Variants in GART observed in about 807,000 individuals in gnomAD.
GART encodes the protein phosphoribosylglycinamide formyltransferase, phosphoribosylglycinamide synthetase, phosphoribosylaminoimidazole synthetase, also known as trifunctional purine biosynthetic protein adenosine-3.
In GART, 43 loss-of-function variants were observed where a neutral mutation model predicts 107.2. That is an observed-to-expected ratio of 0.40 (90% confidence interval 0.31 to 0.52). GART has a LOEUF of 0.52. Ranked by LOEUF, GART falls within the 20% of genes least tolerant of loss-of-function variation. The pLI, the probability that GART is intolerant of heterozygous loss-of-function variation, is 0.52. For missense variants in GART, 1,107 were observed against 1,206.5 expected, an observed-to-expected ratio of 0.92 and a Z score of 1.22; for synonymous variants, 434 against 427.0, an observed-to-expected ratio of 1.02 and a Z score of -0.20.
chr21:33,511,992 G>A (rs567948845), intron 16 of GART, among the ~76,000 whole-genome samples: 1 of 151,956 alleles, frequency 6.6e-6, no homozygotes, highest in East Asian at 1.9e-4. Flanking sequence ...TCTCTCGGCC[G>A]GGCGTGAGAA....
intron 14 of GART, 77 bp from the exon 15 acceptor site, chr21:33,517,685 T>C: frequency 6.9e-7 from 1 of 1,440,670 alleles, no homozygotes; most frequent in Admixed American, 1.8e-5. Flanking sequence ...AGGCTACTCT[T>C]AACATGAACA....
intron 2 of GART, among the ~76,000 whole-genome samples, chr21:33,538,158 C>T (rs1327547436): frequency 6.9e-6 from 1 of 145,742 alleles, no homozygotes; most frequent in Non-Finnish European, 1.5e-5. Context: ...GCAGAAGAAT[C>T]GCTTTAACTC....
chr21:33,538,280 G>A (rs1469940877), intron 2 of GART, among the ~76,000 whole-genome samples: 1 of 150,922 alleles, frequency 6.6e-6, no homozygotes, highest in African/African-American at 2.4e-5. Flanking sequence ...AGAGATAAGG[G>A]TTGAGATCTA....
chr21:33,534,298 C>T (rs767453642), intron 4 of GART, among the ~76,000 whole-genome samples: 1 of 152,090 alleles, frequency 6.6e-6, no homozygotes, highest in African/African-American at 2.4e-5. Context: ...GTGCAGCCTC[C>T]GCCTCCTGGG....
At chr21:33,532,122 A>G (rs1360890702) in intron 5 of GART, 1 of 496,362 alleles carries the variant, frequency 2.0e-6, no homozygotes, top group East Asian at 3.6e-5. Flanking sequence ...ACAACAAAGG[A>G]TGTTACAATT....
At chr21:33,530,713 GA>G (rs1398780960) in intron 7 of GART, 45 bp downstream of exon 7, 1 of 1,355,600 alleles carries the variant, frequency 7.4e-7, no homozygotes, top group Non-Finnish European at 9.6e-7. Context: ...AGTTCTCTGA[GA>G]AAACCAAACT....
At position 33,529,608 on chromosome 21, in the gene GART, GC is replaced by G. The variant is rs1175410705; in HGVS notation, c.724-672del. 33 of 152,288 alleles carry G rather than the reference GC, an allele frequency of 2.2e-4. 1 individual carries two copies. The highest frequency in any genetic ancestry group is 2.2e-3 in the Admixed American group (33 of 15,250). The allele number at this position is 152,288 out of a possible 1,614,324, so 9.4% of individuals were successfully genotyped here. On this transcript the variant is annotated intron_variant, in intron 7 of 21. Coordinates refer to ENST00000381815, the MANE Select transcript of GART (RefSeq NM_000819.5). Reference sequence around the variant, plus strand: ...GCTGGGACTGGGACTACAGGCATGTGCCATCGCGCCCAGCTAATTTTTGTAT... The same window carrying G: ...GCTGGGACTGGGACTACAGGCATGTGCATCGCGCCCAGCTAATTTTTGTAT...
intron 14 of GART, among the ~76,000 whole-genome samples, chr21:33,519,951 T>C (rs1436315104): frequency 1.3e-5 from 2 of 152,096 alleles, no homozygotes; most frequent in Non-Finnish European, 2.9e-5. Flanking sequence ...ATTATTTATG[T>C]CACTCTATGG....
At chr21:33,517,244 T>C in intron 15 of GART, 103 bp from the exon 16 acceptor site, 2 of 1,558,948 alleles carry the variant, frequency 1.3e-6, no homozygotes, top group Admixed American at 3.6e-5. Context: ...AATGACCAAG[T>C]AGCAAACCAA....
chr21:33,524,778 T>C lies in GART; in HGVS notation c.1289A>G (p.Gln430Arg). 1 of 1,614,246 alleles carries C rather than the reference T, an allele frequency of 6.2e-7. No individual in the cohort carries two copies. Among genetic ancestry groups the C allele is most frequent in the Non-Finnish European group, 8.5e-7 (1 of 1,180,034 alleles). The change falls in exon 11 of 22, where the codon CAG becomes CGG. Residue 430 changes from glutamine (Q) to arginine (R), a missense_variant. Gln to Arg is a conservative substitution (Grantham distance 43). Transcript: ENST00000381815. ...DVGFRAIAFL[Q>R]QPRSLTYKES... Reference sequence around the variant, plus strand: ...TTGCTTAGAGTTTTACCTGGGCTGCTGGAGGAAAGCTATGGCACGAAAGCC... The same window carrying C: ...TTGCTTAGAGTTTTACCTGGGCTGCCGGAGGAAAGCTATGGCACGAAAGCC...
chr21:33,507,761 G>A (rs2084707866), intron 18 of GART, among the ~76,000 whole-genome samples: 1 of 152,208 alleles, frequency 6.6e-6, no homozygotes, highest in South Asian at 2.1e-4. Flanking sequence ...GAAACTGGGA[G>A]GCGGAGTTTG....
At chr21:33,505,114 G>T (rs939036159) in intron 20 of GART, among the ~76,000 whole-genome samples, 3 of 152,130 alleles carry the variant, frequency 2.0e-5, no homozygotes, top group African/African-American at 7.2e-5. Flanking sequence ...GTGTTTTCTG[G>T]CAATAACCTC....
chr21:33,539,070 G>A, intron 2 of GART, 101 bp downstream of exon 2: 1 of 1,194,146 alleles, frequency 8.4e-7, no homozygotes, highest in Non-Finnish European at 1.2e-6. Flanking sequence ...ATTAGCCACT[G>A]TGCCCAGCCT....
intron 14 of GART, among the ~76,000 whole-genome samples, chr21:33,519,663 A>T (rs2084935140): frequency 6.6e-6 from 1 of 151,930 alleles, no homozygotes; most frequent in African/African-American, 2.4e-5. Context: ...CCCTATCTCT[A>T]CAAAAAGTAC....
At position 33,517,126 on chromosome 21, in the gene GART, G is replaced by T. The variant is rs368190761; in HGVS notation, c.1970C>A (p.Thr657Lys). 7 of 1,609,072 alleles carry T rather than the reference G, an allele frequency of 4.4e-6. No individual in the cohort carries two copies. The highest frequency in any genetic ancestry group is 8.5e-7 in the Non-Finnish European group (1 of 1,178,850). Residue 657 changes from threonine to lysine, a missense_variant, in exon 16 of 22, where the codon ACG (threonine) becomes AAG (lysine). By Grantham distance (78) the Thr-to-Lys change is moderately conservative. Transcript: ENST00000381815. ...GDQTLGDLLLTPTRIYSHSLL... is the reference protein window; with the variant it reads ...GDQTLGDLLLKPTRIYSHSLL... ...TGAATGGCTGTAGATTCTGGTAGGC[G>T]TGAGAAGTAAGTCCCCTGCATGTTG...
At chr21:33,539,386 T>C (rs2085366106) in intron 1 of GART, 30 bp from the exon 2 acceptor site, 3 of 1,532,974 alleles carry the variant, frequency 2.0e-6, no homozygotes, top group African/African-American at 1.4e-5. Flanking sequence ...GTTTATATCT[T>C]AGGATGCACA....
chr21:33,511,821 T>C (rs551967084), intron 16 of GART, among the ~76,000 whole-genome samples: 6 of 152,252 alleles, frequency 3.9e-5, no homozygotes, highest in Admixed American at 1.3e-4. Context: ...ATGACCAAAA[T>C]GCACCCAAAG....
Position 33,517,473 on chromosome 21 carries a change from C to T in GART, c.1838G>A (p.Gly613Glu). The change falls in exon 15 of 22, where the codon GGA becomes GAA. Residue 613 changes from glycine to glutamate, a missense_variant. Gly to Glu is a moderately conservative substitution (Grantham distance 98). Coordinates refer to ENST00000381815, the MANE Select transcript of GART (RefSeq NM_000819.5). ...GCTATGAAGACCAGATGAAGCTATT[C>T]CAACAACAACATCACCCTCAGTGAT... ...ERITEGDVVV[G>E]IASSGLHSNG... 1 of 1,614,124 alleles carries T rather than the reference C, an allele frequency of 6.2e-7. No homozygotes were observed. The highest frequency in any genetic ancestry group is 8.5e-7 in the Non-Finnish European group (1 of 1,180,022).
chr21:33,518,637 T>G, intron 14 of GART: 1 of 385,226 alleles, frequency 2.6e-6, no homozygotes, highest in Non-Finnish European at 5.1e-6. Context: ...AGCTCCTAGT[T>G]ACTTCATATT....
Sources: gnomAD v4.1 joint callset for allele counts (sites outside exome capture counted in the v4.1 genomes callset) on GRCh38, gnomAD v4.1.1 for gene constraint, MANE v1.5 for transcripts, NCBI Gene and HGNC (gene_info 2026-07-23, HGNC 2026-07-21) for gene names.